Variants in TMEM132E observed in about 807,000 individuals in gnomAD.
TMEM132E encodes the protein transmembrane protein 132E.
TMEM132E carries 49 observed loss-of-function variants against 78.5 expected under a neutral mutation model. The ratio of observed to expected loss-of-function variants is 0.62; its 90% CI spans 0.50 to 0.79. TMEM132E has a LOEUF of 0.79. Ranked by LOEUF, TMEM132E falls within the 30% of genes least tolerant of loss-of-function variation. The probability of loss-of-function intolerance (pLI) is 0.00; values close to 1 mark genes in which losing one functional copy is unlikely to be tolerated. For missense variants in TMEM132E, 1,403 were observed against 1,470.9 expected, an observed-to-expected ratio of 0.95 and a Z score of 0.75; for synonymous variants, 715 against 670.6, an observed-to-expected ratio of 1.07 and a Z score of -1.02.
chr17:34,585,599 G>A (rs1905643695), intron 1 of TMEM132E, among the ~76,000 whole-genome samples: 1 of 151,868 alleles, frequency 6.6e-6, no homozygotes, highest in African/African-American at 2.4e-5. Context: ...TCTGGAATCA[G>A]AACAAGCACC....
chr17:34,628,557 T>C lies in TMEM132E; in HGVS notation c.999-6T>C. On this transcript the variant is annotated splice_region_variant and splice_polypyrimidine_tract_variant and intron_variant, in intron 2 of 8. Transcript: ENST00000631683. ...TCTCCCTCTTCTTCCTCCCACTTTGTCCCAGGGTGAAGGCCAAGAAGGGTG... is the reference window on the plus strand; with the variant it reads ...TCTCCCTCTTCTTCCTCCCACTTTGCCCCAGGGTGAAGGCCAAGAAGGGTG... The C allele has an allele frequency of 6.2e-7, 1 of 1,613,718 alleles. No homozygotes were observed. Among genetic ancestry groups the C allele is most frequent in the Non-Finnish European group, 8.5e-7 (1 of 1,179,812 alleles).
intron 1 of TMEM132E, among the ~76,000 whole-genome samples, chr17:34,607,204 C>T (rs887165923): frequency 6.6e-6 from 1 of 152,172 alleles, no homozygotes; most frequent in African/African-American, 2.4e-5. Flanking sequence ...TTAGCTCTAC[C>T]ATTATTTAGG....
Position 34,633,357 on chromosome 17 carries a change from C to A in TMEM132E, c.1688+448C>A, listed in dbSNP as rs1907414055. On this transcript the variant is annotated intron_variant, in intron 6 of 8. Transcript: ENST00000631683. ...AAGAGACTGCCTGCAGTCAGGCAGA[C>A]AAAATGAAGCAGACACACCTGTACA... Among the ~76,000 whole-genome samples, 3 of 152,232 alleles carry A rather than the reference C, an allele frequency of 2.0e-5. No individual in the cohort carries two copies. In the South Asian group the frequency reaches 6.2e-4, roughly 31 times the overall value.
chr17:34,637,800 C>T lies in TMEM132E; in HGVS notation c.2793C>T (p.His931=), dbSNP rs1192210006. 2 of 1,613,236 alleles carry T rather than the reference C, an allele frequency of 1.2e-6. No individual in the cohort carries two copies. Among genetic ancestry groups the T allele is most frequent in the Non-Finnish European group, 8.5e-7 (1 of 1,179,932 alleles). ...CCGAGGGCCAGACCAGCATGGACCA[C>T]TCTCACCACTGGGTGTTCCTGGGCA... is the stretch of plus-strand genomic sequence containing the variant. ...IPPEGQTSMD[H]SHHWVFLGNG... The change falls in exon 9 of 9, where the codon CAC becomes CAT. Residue 931 remains histidine (H), a synonymous_variant. Coordinates refer to ENST00000631683, the MANE Select transcript of TMEM132E (RefSeq NM_001304438.2).
At chr17:34,597,752 C>A (rs1906107411) in intron 1 of TMEM132E, among the ~76,000 whole-genome samples, 2 of 152,200 alleles carry the variant, frequency 1.3e-5, no homozygotes, top group Non-Finnish European at 2.9e-5. Flanking sequence ...TCTGGTGCTT[C>A]CCATGAGCCT....
In TMEM132E at chr17:34,626,932, C is replaced by T. The variant is rs749058323; in HGVS notation, c.873C>T (p.Asp291=). 6.2e-7 allele frequency: 1 copy of T among 1,613,792 alleles called. No homozygotes were observed. Among genetic ancestry groups the T allele is most frequent in the South Asian group, 1.1e-5 (1 of 91,082 alleles). Residue 291 remains aspartate, a synonymous_variant, in exon 2 of 9, where the codon GAC becomes GAT. Coordinates refer to ENST00000631683, the MANE Select transcript of TMEM132E (RefSeq NM_001304438.2). ...GGACCCTGCAGGAGCACAGGCTGGA[C>T]AGCAACCTGATGATCCGCCTGCCAG... ...PRRTLQEHRL[D]SNLMIRLPDR...
chr17:34,594,379 T>C (rs1371565364), intron 1 of TMEM132E, among the ~76,000 whole-genome samples: 1 of 152,220 alleles, frequency 6.6e-6, no homozygotes, highest in African/African-American at 2.4e-5. Context: ...CATTCACTCA[T>C]TAACACATTC....
chr17:34,618,708 C>T (rs1906861239), intron 1 of TMEM132E, among the ~76,000 whole-genome samples: 1 of 152,182 alleles, frequency 6.6e-6, no homozygotes, highest in South Asian at 2.1e-4. Context: ...AGTTCTTTAG[C>T]CCCTTGCTAA....
intron 4 of TMEM132E, 64 bp from the exon 5 acceptor site, chr17:34,629,944 T>C (rs1907296888): frequency 4.0e-6 from 6 of 1,515,450 alleles, no homozygotes; most frequent in African/African-American, 1.4e-5. Context: ...GCTGGGGCCT[T>C]GGCTAGTGTG....
chr17:34,589,223 G>A (rs562171775), intron 1 of TMEM132E, among the ~76,000 whole-genome samples: 20 of 152,296 alleles, frequency 1.3e-4, no homozygotes, highest in South Asian at 6.2e-4. Flanking sequence ...GGGGTGGAGG[G>A]ACCAGTCAGG....
rs1390331149 is a variant in TMEM132E, at chr17:34,637,352, T to C, written c.2345T>C (p.Leu782Pro). 1 of 1,613,980 alleles carries C rather than the reference T, an allele frequency of 6.2e-7. No homozygotes were observed. ...GCTGAGGCCGAGGGGTCAGGGGAGC[T>C]GCTTCGCGCAGAGCTAACCATCGCT... is the stretch of plus-strand genomic sequence containing the variant. The part of the protein sequence containing the change: ...VVAEAEGSGE[L>P]LRAELTIAES... The change falls in exon 9 of 9, where the codon CTG (leucine) becomes CCG (proline). Residue 782 changes from leucine (L) to proline (P), a missense_variant. Physicochemically the swap from Leu to Pro is moderately conservative, Grantham distance 98 (BLOSUM62 -3). Around this residue, in one of 3 missense-constraint regions of TMEM132E, gnomAD observed 888 missense variants for 952.8 expected, o/e 0.93. Coordinates refer to ENST00000631683, the MANE Select transcript of TMEM132E (RefSeq NM_001304438.2).
At chr17:34,609,666 A>G (rs1170126984) in intron 1 of TMEM132E, among the ~76,000 whole-genome samples, 1 of 152,180 alleles carries the variant, frequency 6.6e-6, no homozygotes, top group Admixed American at 6.5e-5. Context: ...CAAGAACCCT[A>G]AAGGCTCCCT....
intron 1 of TMEM132E, among the ~76,000 whole-genome samples, chr17:34,608,506 G>A (rs371533038): frequency 6.7e-4 from 102 of 152,332 alleles, no homozygotes; most frequent in African/African-American, 2.2e-3. Context: ...TGCTGTGGCC[G>A]TTATTATTGT....
chr17:34,596,638 CT>C (rs1217421350), intron 1 of TMEM132E, among the ~76,000 whole-genome samples: 3 of 152,062 alleles, frequency 2.0e-5, no homozygotes, highest in Non-Finnish European at 4.4e-5. Context: ...CATTTGCTTC[CT>C]TTTCCTTGGT....
In TMEM132E at chr17:34,635,014, G is replaced by C. The variant is rs764835141; in HGVS notation, c.1904G>C (p.Gly635Ala). The C allele has an allele frequency of 4.3e-6, 7 of 1,614,008 alleles. No individual in the cohort carries two copies. Among genetic ancestry groups the C allele is most frequent in the Non-Finnish European group, 4.2e-6 (5 of 1,180,046 alleles). ...TDLVSDFMRV[G>A]DPRVAHMVDS... The stretch of plus-strand genomic sequence containing the variant: ...CTAGTCAGTGACTTCATGCGGGTGG[G>C]CGATCCCCGAGTGGCACACATGGTG... Residue 635 changes from glycine to alanine, a missense_variant, in exon 7 of 9, where the codon GGC (glycine) becomes GCC (alanine). This residue lies in a region of TMEM132E where 888 missense variants were observed against 952.8 expected (regional missense o/e 0.93). Transcript: ENST00000631683.
At chr17:34,635,172 C>T (rs1907481336) in intron 7 of TMEM132E, 85 bp downstream of exon 7, 1 of 1,418,862 alleles carries the variant, frequency 7.0e-7, no homozygotes, top group South Asian at 1.4e-5. Context: ...TTTTCCTAAC[C>T]CCAACTGGCC....
At chr17:34,621,310 C>G (rs1906953972) in intron 1 of TMEM132E, among the ~76,000 whole-genome samples, 1 of 152,266 alleles carries the variant, frequency 6.6e-6, no homozygotes, top group Non-Finnish European at 1.5e-5. Flanking sequence ...GGGTTGTCTT[C>G]CTGGCTCGTA....
In TMEM132E at chr17:34,638,259, C is replaced by CT. The variant is rs1302141732; in HGVS notation, c.*27_*28insT. 7 of 1,471,464 alleles carry CT rather than the reference C, an allele frequency of 4.8e-6. No individual in the cohort carries two copies. The African/African-American group carries it at 7.6e-5, about 16-fold the overall frequency. 91.2% of individuals were successfully genotyped at this position (1,471,464 alleles called of 1,614,324 possible). ...GGCGCCAGCCGGAGTAGCAGGGACC[C>CT]CCCCCCCCAACGGGGTCAGCTCGGG... is the stretch of plus-strand genomic sequence containing the variant. On this transcript the variant is annotated 3_prime_UTR_variant, in exon 9 of 9. Coordinates refer to ENST00000631683, the MANE Select transcript of TMEM132E (RefSeq NM_001304438.2).
At chr17:34,610,831 G>T (rs747174287) in intron 1 of TMEM132E, among the ~76,000 whole-genome samples, 1 of 152,186 alleles carries the variant, frequency 6.6e-6, no homozygotes, top group Admixed American at 6.5e-5. Flanking sequence ...GAATATTAAT[G>T]AAAACTCCTG....
Sources: gnomAD v4.1 joint callset for allele counts (sites outside exome capture counted in the v4.1 genomes callset) on GRCh38, gnomAD v4.1.1 for gene constraint, gnomAD v4.1.1 regional missense constraint, MANE v1.5 for transcripts, NCBI Gene and HGNC (gene_info 2026-07-23, HGNC 2026-07-21) for gene names.